The following AMER3 variants were observed in gnomAD, a reference collection of about 807,000 sequenced individuals.
The protein encoded by AMER3 is family with sequence similarity 123C.
For synonymous variants in AMER3, 541 were observed against 485.5 expected (o/e 1.11, Z -1.50); for missense variants, 1,201 against 1,139.4 (o/e 1.05, Z -0.78).
chr2:130,763,735 G>A lies in AMER3; in HGVS notation c.1663G>A (p.Gly555Arg). The A allele has an allele frequency of 6.3e-7, 1 of 1,580,190 alleles. No homozygotes were observed. Among genetic ancestry groups the A allele is most frequent in the South Asian group, 1.2e-5 (1 of 86,770 alleles). The stretch of plus-strand genomic sequence containing the variant: ...CAGGGAGGGCCTGGCCTCAGATGCA[G>A]GGGGGGCGACAGTTTGCTCAGCACC... Reference protein sequence around the residue: ...GGREGLASDAGGATVCSAPSR... With the variant: ...GGREGLASDARGATVCSAPSR... Residue 555 changes from glycine to arginine, a missense_variant, in exon 2 of 2, where the codon GGG becomes AGG. Gly to Arg is a moderately radical substitution (Grantham distance 125). Transcript: ENST00000321420.
chr2:130,762,360 C>T lies in AMER3; in HGVS notation c.288C>T (p.Asp96=), dbSNP rs575335859. 2 of 1,612,332 alleles carry T rather than the reference C, an allele frequency of 1.2e-6. No individual in the cohort carries two copies. The highest frequency in any genetic ancestry group is 2.2e-5 in the East Asian group (1 of 44,868). Residue 96 remains aspartate (D), a synonymous_variant, in exon 2 of 2, where the codon GAC becomes GAT. Coordinates refer to ENST00000321420, the MANE Select transcript of AMER3 (RefSeq NM_152698.3). The part of the protein sequence containing the change: ...FKPVRKCKTH[D]SMSGAGRATA... ...CGGTGCGAAAGTGCAAGACTCACGA[C>T]AGCATGTCTGGGGCAGGCAGGGCCA...
Position 130,763,129 on chromosome 2 carries a change from T to C in AMER3, c.1057T>C (p.Cys353Arg), listed in dbSNP as rs746427562. ...DTAGLAELPL[C>R]PCRDPRSGSK... ...AGCTGGGCTCGCTGAGCTGCCCCTC[T>C]GCCCCTGCAGGGACCCTCGCAGCGG... The change falls in exon 2 of 2, where the codon TGC becomes CGC. Residue 353 changes from cysteine to arginine, a missense_variant. Coordinates refer to ENST00000321420, the MANE Select transcript of AMER3 (RefSeq NM_152698.3). 1.1e-5 allele frequency: 17 copies of C among 1,613,260 alleles called. No individual in the cohort carries two copies. Among genetic ancestry groups the C allele is most frequent in the Non-Finnish European group, 1.3e-5 (15 of 1,179,996 alleles).
chr2:130,762,239 G>C lies in AMER3; in HGVS notation c.167G>C (p.Ser56Thr). 2 of 1,577,668 alleles carry C rather than the reference G, an allele frequency of 1.3e-6. No homozygotes were observed. The highest frequency in any genetic ancestry group is 1.7e-6 in the Non-Finnish European group (2 of 1,162,514). ...CACAGTGAGAAGGGCCCCCAAGCCA[G>C]CCCCAGTGCCCAAGAATACGACAGA... ...RPHSEKGPQA[S>T]PSAQEYDRCP... Residue 56 changes from serine to threonine, a missense_variant, in exon 2 of 2, where the codon AGC becomes ACC. Ser to Thr is a moderately conservative substitution (Grantham distance 58). Coordinates refer to ENST00000321420, the MANE Select transcript of AMER3 (RefSeq NM_152698.3).
rs1349143547 is a variant in AMER3, at chr2:130,763,493, C to T, written c.1421C>T (p.Pro474Leu). 1.2e-6 allele frequency: 2 copies of T among 1,612,452 alleles called. No homozygotes were observed. Among genetic ancestry groups the T allele is most frequent in the Non-Finnish European group, 1.7e-6 (2 of 1,179,626 alleles). Residue 474 changes from proline (P) to leucine (L), a missense_variant, in exon 2 of 2, where the codon CCA (proline) becomes CTA (leucine). Pro to Leu is a moderately conservative substitution (Grantham distance 98, BLOSUM62 -3). Transcript: ENST00000321420. ...GCCGAGGAGAACTTGGCCCCAGCACCAGGCCCTGACCTGCTCAGCCAGGGC... is the reference window on the plus strand; with the variant it reads ...GCCGAGGAGAACTTGGCCCCAGCACTAGGCCCTGACCTGCTCAGCCAGGGC... ...VGAEENLAPA[P>L]GPDLLSQGFL...
At chr2:130,757,875 G>A (rs1253675705) in intron 1 of AMER3, among the ~76,000 whole-genome samples, 2 of 152,236 alleles carry the variant, frequency 1.3e-5, no homozygotes, top group Non-Finnish European at 1.5e-5. Flanking sequence ...GCTTACGCCT[G>A]TAATCCTGGT....
intron 1 of AMER3, among the ~76,000 whole-genome samples, chr2:130,760,853 CT>C (rs1678755468): frequency 6.6e-6 from 1 of 152,126 alleles, no homozygotes; most frequent in African/African-American, 2.4e-5. Flanking sequence ...GCTCAGCTCC[CT>C]CCTCCTTCGC....
chr2:130,759,207 C>T (rs1219433405), intron 1 of AMER3, among the ~76,000 whole-genome samples: 2 of 152,208 alleles, frequency 1.3e-5, no homozygotes, highest in Non-Finnish European at 2.9e-5. Context: ...TCAATAAACT[C>T]AGGAGATGGG....
Position 130,762,804 on chromosome 2 carries a change from C to G in AMER3, c.732C>G (p.Phe244Leu). The change falls in exon 2 of 2, where the codon TTC (phenylalanine) becomes TTG (leucine). Residue 244 changes from phenylalanine (F) to leucine (L), a missense_variant. By Grantham distance (22) the Phe-to-Leu change is conservative (BLOSUM62 0). Coordinates refer to ENST00000321420, the MANE Select transcript of AMER3 (RefSeq NM_152698.3). ...LCEDVASLQS[F>L]DSLTGCGEVF... The stretch of plus-strand genomic sequence containing the variant: ...AGGACGTGGCCTCACTCCAGAGCTT[C>G]GACTCGCTCACGGGTTGTGGGGAGG... 3.1e-6 allele frequency: 5 copies of G among 1,612,654 alleles called. No homozygotes were observed. The highest frequency in any genetic ancestry group is 4.2e-6 in the Non-Finnish European group (5 of 1,179,314).
rs754706453 is a variant in AMER3, at chr2:130,764,563, G to C, written c.2491G>C (p.Glu831Gln). The change falls in exon 2 of 2, where the codon GAA becomes CAA. Residue 831 changes from glutamate (E) to glutamine (Q), a missense_variant. By Grantham distance (29) the Glu-to-Gln change is conservative. Coordinates refer to ENST00000321420, the MANE Select transcript of AMER3 (RefSeq NM_152698.3). Reference sequence around the variant, plus strand: ...AGGGGGGGTCTCTGCAAGTGCCCCAGAATGCCGCTGCAGCCTCCTGGCCCG... The same window carrying C: ...AGGGGGGGTCTCTGCAAGTGCCCCACAATGCCGCTGCAGCCTCCTGGCCCG... ...QEGGVSASAP[E>Q]CRCSLLAREG... The C allele has an allele frequency of 6.2e-7, 1 of 1,604,492 alleles. No homozygotes were observed. The highest frequency in any genetic ancestry group is 8.5e-7 in the Non-Finnish European group (1 of 1,176,346).
chr2:130,762,971 A>G lies in AMER3; in HGVS notation c.899A>G (p.Gln300Arg). The change falls in exon 2 of 2, where the codon CAG (glutamine) becomes CGG (arginine). Residue 300 changes from glutamine to arginine, a missense_variant. By Grantham distance (43) the Gln-to-Arg change is conservative. Transcript: ENST00000321420. ...GSVEQLASPA[Q>R]NEASDFTRFW... ...GTGGAGCAGCTGGCCTCGCCCGCCC[A>G]GAATGAAGCCTCTGACTTCACCAGG... 1.9e-6 allele frequency: 3 copies of G among 1,613,208 alleles called. No individual in the cohort carries two copies. Among genetic ancestry groups the G allele is most frequent in the Admixed American group, 1.7e-5 (1 of 60,024 alleles).
intron 1 of AMER3, among the ~76,000 whole-genome samples, chr2:130,759,677 T>C (rs1678719330): frequency 1.3e-5 from 2 of 152,232 alleles, no homozygotes; most frequent in Admixed American, 1.3e-4. Context: ...GAAAACACAT[T>C]TATTATTCTA....
At position 130,762,600 on chromosome 2, in the gene AMER3, G is replaced by T. The variant is rs776935592; in HGVS notation, c.528G>T (p.Ser176=). ...GAAACAAGACTGAGGACTTGGCCTC[G>T]CTGGCGGCCGAGGGGAAAAGCCTGC... The part of the protein sequence containing the change: ...IRRNKTEDLA[S]LAAEGKSLPS... Residue 176 remains serine, a synonymous_variant, in exon 2 of 2, where the codon TCG becomes TCT. Transcript: ENST00000321420. The T allele has an allele frequency of 1.2e-6, 2 of 1,612,840 alleles. No individual in the cohort carries two copies. The highest frequency in any genetic ancestry group is 1.1e-5 in the South Asian group (1 of 91,084).
chr2:130,764,616 A>G lies in AMER3; in HGVS notation c.2544A>G (p.Glu848=). 1 of 1,608,626 alleles carries G rather than the reference A, an allele frequency of 6.2e-7. No homozygotes were observed. Among genetic ancestry groups the G allele is most frequent in the Non-Finnish European group, 8.5e-7 (1 of 1,178,780 alleles). ...AREGLLCGQP[E]VGASGPAMAE... ...AGGGCCTCCTCTGTGGCCAGCCAGA[A>G]GTGGGGGCCTCTGGGCCAGCCATGG... Residue 848 remains glutamate (E), a synonymous_variant, in exon 2 of 2, where the codon GAA becomes GAG. Transcript: ENST00000321420.
intron 1 of AMER3, among the ~76,000 whole-genome samples, chr2:130,756,553 T>C (rs1484010537): frequency 6.6e-6 from 1 of 152,212 alleles, no homozygotes; most frequent in East Asian, 1.9e-4. Context: ...GTCAGGGGCC[T>C]GGGAGCGGTG....
In AMER3 at chr2:130,765,651, C is replaced by T. The variant is rs1678962503; in HGVS notation, c.*993C>T. The T allele has an allele frequency of 6.0e-6, 1 of 167,000 alleles. No homozygotes were observed. Among genetic ancestry groups the T allele is most frequent in the Admixed American group, 6.5e-5 (1 of 15,274 alleles). The allele number at this position is 167,000 out of a possible 1,614,324, so 10.3% of individuals were successfully genotyped here. On this transcript the variant is annotated 3_prime_UTR_variant, in exon 2 of 2. Transcript: ENST00000321420. ...TGGCTCAGGACGAAAGCCTCAGGAC[C>T]CAGGAGGGCCATGGGTGTAAGTTCC... is the stretch of plus-strand genomic sequence containing the variant.
chr2:130,761,901 G>GCTGCTCCCAT (rs1481661584), intron 1 of AMER3, among the ~76,000 whole-genome samples, 153 bp from the exon 2 acceptor site: 1 of 152,168 alleles, frequency 6.6e-6, no homozygotes, highest in Non-Finnish European at 1.5e-5. Flanking sequence ...TGCTGTTAGG[G>GCTGCTCCCAT]CTGCTCCCAT....
At chr2:130,756,090 G>A (rs1354967548) in intron 1 of AMER3, among the ~76,000 whole-genome samples, 2 of 151,020 alleles carry the variant, frequency 1.3e-5, no homozygotes, top group Non-Finnish European at 3.0e-5. Context: ...GGCGGCGCAG[G>A]GAGGCGGCAG....
At chr2:130,759,044 A>G (rs1242562837) in intron 1 of AMER3, among the ~76,000 whole-genome samples, 2 of 152,218 alleles carry the variant, frequency 1.3e-5, no homozygotes, top group African/African-American at 2.4e-5. Context: ...TAGGTCACAC[A>G]TTTCCAAAGA....
intron 1 of AMER3, chr2:130,756,355 G>T (rs1678609097): frequency 6.6e-6 from 1 of 151,568 alleles, no homozygotes; most frequent in African/African-American, 2.4e-5. Flanking sequence ...TCGCGGCCGC[G>T]CCCTGCTGCA....
Sources: allele counts gnomAD v4.1 joint callset (sites outside exome capture counted in the v4.1 genomes callset), GRCh38; gene constraint gnomAD v4.1.1; transcripts MANE v1.5; gene names NCBI Gene and HGNC (gene_info 2026-07-23, HGNC 2026-07-21).